RBFOX1: variants seen among roughly 807,000 people sequenced by gnomAD.
RBFOX1 encodes RNA binding protein fox-1 homolog 1.
A neutral mutation model predicts 57.7 loss-of-function variants in RBFOX1; 8 were observed. The observed-to-expected ratio is 0.14, with a 90% confidence interval of 0.08 to 0.25. The LOEUF is 0.25. Among genes scored for constraint, RBFOX1 ranks in the 10% least tolerant of loss-of-function variants. The pLI is 1.00. For missense variants in RBFOX1, 611 were observed against 548.5 expected (o/e 1.11, Z -1.14); for synonymous variants, 326 against 222.4 (o/e 1.47, Z -4.15).
chr16:7,599,789 T>A (rs2094915893), intron 9 of RBFOX1, among the ~76,000 whole-genome samples: 1 of 120,456 alleles, frequency 8.3e-6, no homozygotes, highest in Non-Finnish European at 1.7e-5. Flanking sequence ...CATGCCACAA[T>A]GCCTGGCTAG....
intron 4 of RBFOX1, among the ~76,000 whole-genome samples, chr16:7,186,254 ATATT>A (rs1191787300): frequency 2.6e-5 from 2 of 77,880 alleles, no homozygotes; most frequent in Non-Finnish European, 5.1e-5. Context: ...AAACATAAAC[ATATT>A]TATATAAACA....
At chr16:6,161,259 C>T (rs927985553) in intron 1 of RBFOX1, among the ~76,000 whole-genome samples, 2 of 151,970 alleles carry the variant, frequency 1.3e-5, no homozygotes, top group African/African-American at 4.8e-5. Context: ...CATGGTGGTG[C>T]ACGCCTGTAA....
intron 2 of RBFOX1, among the ~76,000 whole-genome samples, chr16:6,421,636 AC>A (rs2093774126): frequency 1.3e-5 from 2 of 152,214 alleles, no homozygotes; most frequent in Non-Finnish European, 2.9e-5. Context: ...TAGCGTCACC[AC>A]GAATGACACT....
At chr16:6,673,777 T>C (rs2098783096) in intron 3 of RBFOX1, among the ~76,000 whole-genome samples, 1 of 152,166 alleles carries the variant, frequency 6.6e-6, no homozygotes, top group African/African-American at 2.4e-5. Context: ...ATAAGTCGCA[T>C]ATTCCTACTC....
At chr16:7,313,165 C>G (rs2096358237) in intron 4 of RBFOX1, among the ~76,000 whole-genome samples, 1 of 152,298 alleles carries the variant, frequency 6.6e-6, no homozygotes, top group Non-Finnish European at 1.5e-5. Flanking sequence ...CTGAAAGTGG[C>G]TTTGCTTTGG....
At chr16:6,734,917 C>T (rs867523640) in intron 3 of RBFOX1, among the ~76,000 whole-genome samples, 1 of 152,042 alleles carries the variant, frequency 6.6e-6, no homozygotes, top group Non-Finnish European at 1.5e-5. Flanking sequence ...GTTGTGTTGC[C>T]TCGCTTGAGC....
At chr16:6,540,961 A>G (rs939375632) in intron 2 of RBFOX1, among the ~76,000 whole-genome samples, 1 of 152,196 alleles carries the variant, frequency 6.6e-6, no homozygotes, top group Non-Finnish European at 1.5e-5. Context: ...AATTCCTGCC[A>G]GAACCCCCTA....
Position 6,230,667 on chromosome 16 carries a change from C to G in RBFOX1, c.-126-86328C>G, listed in dbSNP as rs187266366. Among the ~76,000 whole-genome samples the G allele has an allele frequency of 5.1e-4, 78 of 152,184 alleles. 1 individual carries two copies. Among genetic ancestry groups the G allele is most frequent in the Admixed American group, 3.9e-3 (60 of 15,256 alleles). On this transcript the variant is annotated intron_variant, in intron 1 of 15. Coordinates refer to ENST00000550418, the MANE Select transcript of RBFOX1 (RefSeq NM_018723.4). Reference sequence around the variant, plus strand: ...AGATTAGCAGCTTAATTTCTTCACGCATAACAATTCAAGGGGACCTTCATT... The same window carrying G: ...AGATTAGCAGCTTAATTTCTTCACGGATAACAATTCAAGGGGACCTTCATT...
intron 1 of RBFOX1, among the ~76,000 whole-genome samples, chr16:6,043,593 C>G (rs1409454038): frequency 6.6e-6 from 1 of 152,164 alleles, no homozygotes; most frequent in Non-Finnish European, 1.5e-5. Flanking sequence ...GTCTGACCTC[C>G]CTTTTGGCGA....
intron 3 of RBFOX1, among the ~76,000 whole-genome samples, chr16:5,797,330 C>G (rs1457663277): frequency 1.3e-5 from 2 of 152,210 alleles, no homozygotes; most frequent in Non-Finnish European, 2.9e-5. Context: ...AAGTGTGTGT[C>G]CACACCCACT....
chr16:7,368,129 T>A (rs571609882), intron 4 of RBFOX1, among the ~76,000 whole-genome samples: 151 of 152,084 alleles, frequency 9.9e-4, no homozygotes, highest in African/African-American at 3.3e-3. Flanking sequence ...TAGGTGGACA[T>A]GGTGGCACAC....
At chr16:7,094,807 T>G (rs568387582) in intron 4 of RBFOX1, among the ~76,000 whole-genome samples, 30 of 125,858 alleles carry the variant, frequency 2.4e-4, no homozygotes, top group South Asian at 5.4e-4. Context: ...GAGAGAGAGA[T>G]TGAGACAGAG....
At chr16:6,980,369 G>C (rs1460664426) in intron 3 of RBFOX1, among the ~76,000 whole-genome samples, 2 of 151,916 alleles carry the variant, frequency 1.3e-5, no homozygotes, top group Non-Finnish European at 2.9e-5. Context: ...CATTTCTTTT[G>C]TTTTCTAATC....
chr16:7,100,876 G>A (rs180745183), intron 4 of RBFOX1, among the ~76,000 whole-genome samples: 2 of 152,286 alleles, frequency 1.3e-5, no homozygotes, highest in South Asian at 2.1e-4. Context: ...GAATGCTTGT[G>A]AAGTTAAACT....
chr16:6,732,929 C>T (rs1339396399), intron 3 of RBFOX1, among the ~76,000 whole-genome samples: 1 of 152,134 alleles, frequency 6.6e-6, no homozygotes, highest in Non-Finnish European at 1.5e-5. Flanking sequence ...GATGAAAATG[C>T]TAATTTCTGA....
chr16:5,249,681 A>C (rs1287239803), intron 1 of RBFOX1, among the ~76,000 whole-genome samples: 1 of 152,200 alleles, frequency 6.6e-6, no homozygotes, highest in Non-Finnish European at 1.5e-5. Flanking sequence ...GAATTCAAGC[A>C]ATGCAGACCA....
chr16:6,120,688 C>T (rs946928699), intron 1 of RBFOX1, among the ~76,000 whole-genome samples: 1 of 152,070 alleles, frequency 6.6e-6, no homozygotes, highest in Admixed American at 6.6e-5. Context: ...TTTCCCTTTC[C>T]TTCTCAGGCT....
At chr16:5,905,378 T>G (rs2058432966) in intron 4 of RBFOX1, among the ~76,000 whole-genome samples, 1 of 151,694 alleles carries the variant, frequency 6.6e-6, no homozygotes, top group Non-Finnish European at 1.5e-5. Context: ...CAAGGAGAGA[T>G]GATTAGGACA....
chr16:5,726,923 G>T (rs867621600), intron 3 of RBFOX1, among the ~76,000 whole-genome samples: 1 of 152,082 alleles, frequency 6.6e-6, no homozygotes, highest in Non-Finnish European at 1.5e-5. Flanking sequence ...CTTTCCTGAG[G>T]CCATATGGGT....
Sources: allele counts gnomAD v4.1 joint callset (sites outside exome capture counted in the v4.1 genomes callset), GRCh38; gene constraint gnomAD v4.1.1; transcripts MANE v1.5; gene names NCBI Gene and HGNC (gene_info 2026-07-23, HGNC 2026-07-21).